Variants in ZNF112 observed in about 807,000 individuals in gnomAD.
ZNF112 encodes the protein zinc finger protein 112 (Y14).
A neutral mutation model predicts 77.7 loss-of-function variants in ZNF112; 37 were observed. The ratio of observed to expected loss-of-function variants is 0.48; its 90% CI spans 0.37 to 0.63. The LOEUF is 0.63. Among genes scored for constraint, ZNF112 ranks in the 20% least tolerant of loss-of-function variants. The pLI, the probability that ZNF112 is intolerant of heterozygous loss-of-function variation, is 0.00. For synonymous variants in ZNF112, 333 were observed against 363.6 expected (o/e 0.92, Z 0.96); for missense variants, 950 against 1,077.4 (o/e 0.88, Z 1.66).
intron 2 of ZNF112, among the ~76,000 whole-genome samples, chr19:44,338,949 G>C (rs945232797): frequency 6.6e-6 from 1 of 152,126 alleles, no homozygotes; most frequent in African/African-American, 2.4e-5. Context: ...TGTAATCTCA[G>C]CTACAGGTGG....
intron 1 of ZNF112, among the ~76,000 whole-genome samples, chr19:44,341,558 T>TA (rs1266054077): frequency 6.6e-6 from 1 of 152,170 alleles, no homozygotes; most frequent in Non-Finnish European, 1.5e-5. Context: ...GAAAGCTTTT[T>TA]AAAAAAATCT....
chr19:44,348,964 T>C (rs992663909), intron 1 of ZNF112, among the ~76,000 whole-genome samples: 1 of 152,094 alleles, frequency 6.6e-6, no homozygotes, highest in Non-Finnish European at 1.5e-5. Context: ...AGCCCACTGC[T>C]TGTTTCTGTA....
At chr19:44,342,190 CATAT>C (rs936024662) in intron 1 of ZNF112, among the ~76,000 whole-genome samples, 2 of 152,154 alleles carry the variant, frequency 1.3e-5, no homozygotes, top group Admixed American at 6.5e-5. Context: ...GACATACAAA[CATAT>C]ATAGATAAAC....
upstream of ZNF112, among the ~76,000 whole-genome samples, chr19:44,357,157 T>C (rs768034330): frequency 2.6e-5 from 4 of 152,214 alleles, no homozygotes; most frequent in Non-Finnish European, 5.9e-5. Context: ...CCATCCAATT[T>C]TATACTGCTA....
intron 2 of ZNF112, among the ~76,000 whole-genome samples, chr19:44,340,075 T>A (rs1970461599): frequency 7.1e-6 from 1 of 140,466 alleles, no homozygotes; most frequent in South Asian, 2.4e-4. Flanking sequence ...TTTCTGTGAG[T>A]TTAAAGTTAT....
upstream of ZNF112, among the ~76,000 whole-genome samples, chr19:44,357,716 A>G (rs1261673704): frequency 6.6e-6 from 1 of 152,180 alleles, no homozygotes; most frequent in East Asian, 1.9e-4. Context: ...AAATGTTATT[A>G]TTATGGGAAG....
At chr19:44,365,003 T>TG (rs1487276266) in intron 1 of ZNF112, among the ~76,000 whole-genome samples, 1 of 151,510 alleles carries the variant, frequency 6.6e-6, no homozygotes, top group Non-Finnish European at 1.5e-5. Flanking sequence ...AAGCTGGGGG[T>TG]GGGTGGGTGT....
chr19:44,343,413 CGGCGTT>C lies in ZNF112; in HGVS notation c.-3-2877_-3-2872del, dbSNP rs1970528679. 3 of 855,674 alleles carry C rather than the reference CGGCGTT, an allele frequency of 3.5e-6. No individual in the cohort carries two copies. In the Admixed American group the frequency reaches 7.4e-5, roughly 21 times the overall value. 53.0% of individuals were successfully genotyped at this position (855,674 alleles called of 1,614,324 possible). A position where few individuals can be genotyped will look rare whatever the true frequency, so the allele number is the denominator to read the frequency against. On this transcript the variant is annotated intron_variant, in intron 1 of 3. Coordinates refer to ENST00000354340, the MANE Select transcript of ZNF112 (RefSeq NM_013380.4). ...TCCCCCAGCAGATGTGGCCACACAC[CGGCGTT>C]AAGGAGCAGGTAGCATGGGTTGGAT... is the stretch of plus-strand genomic sequence containing the variant.
intron 3 of ZNF112, among the ~76,000 whole-genome samples, chr19:44,334,742 C>T (rs1218861203): frequency 2.6e-5 from 4 of 152,278 alleles, no homozygotes; most frequent in African/African-American, 9.6e-5. Context: ...TTGGCAGCTT[C>T]CACGTACTGT....
At chr19:44,337,451 ACTGT>A (rs1003277753) in intron 2 of ZNF112, among the ~76,000 whole-genome samples, 2 of 126,030 alleles carry the variant, frequency 1.6e-5, no homozygotes, top group African/African-American at 2.9e-5. Context: ...GTACCCACAC[ACTGT>A]CTATTTACTT....
rs1426515203 is a variant in ZNF112, at chr19:44,328,125, G to A, written c.2032C>T (p.Gln678Ter). ...FSKASTLLAH[Q>*]RVHTGEKPYQ... ...GGCTTCTCTCCCGTGTGGACCCTCT[G>A]ATGGGCCAAAAGTGTTGAGGCCTTA... is the stretch of plus-strand genomic sequence containing the variant. Residue 678 changes from glutamine to a stop codon, truncating the protein, a stop_gained, in exon 4 of 4, where the codon CAG (glutamine) becomes TAG (stop). Transcript: ENST00000354340. LOFTEE classifies it high-confidence loss of function. 1.2e-6 allele frequency: 2 copies of A among 1,613,886 alleles called. No individual in the cohort carries two copies. The highest frequency in any genetic ancestry group is 2.2e-5 in the East Asian group (1 of 44,874).
intron 3 of ZNF112, among the ~76,000 whole-genome samples, chr19:44,335,221 T>A (rs537808438): frequency 1.3e-5 from 2 of 152,362 alleles, no homozygotes; most frequent in African/African-American, 4.8e-5. Flanking sequence ...CAGATTGGCA[T>A]GGGGCCTGCA....
Position 44,327,523 on chromosome 19 carries a change from AC to A in ZNF112, c.2633del (p.Ser878IlefsTer43). The A allele has an allele frequency of 6.2e-7, 1 of 1,613,940 alleles. No individual in the cohort carries two copies. The highest frequency in any genetic ancestry group is 8.5e-7 in the Non-Finnish European group (1 of 1,179,904). ...CTTCGCTTTTATAGAATTTATCACT[AC>A]TATGGACTCTTTGATGAATGAGAAG... ...SGLLIHQRVH[S>X]SDKFYKSEDY... On this transcript the variant is annotated frameshift_variant, in exon 4 of 4. Coordinates refer to ENST00000354340, the MANE Select transcript of ZNF112 (RefSeq NM_013380.4). LOFTEE classifies it high-confidence loss of function.
chr19:44,345,422 G>A (rs1970569932), intron 1 of ZNF112, among the ~76,000 whole-genome samples: 1 of 152,200 alleles, frequency 6.6e-6, no homozygotes, highest in Non-Finnish European at 1.5e-5. Flanking sequence ...GGAAGGAGCA[G>A]TAACATGCGC....
chr19:44,343,149 G>T, intron 1 of ZNF112: 1 of 1,255,042 alleles, frequency 8.0e-7, no homozygotes. Context: ...GATACTAAAT[G>T]CCTGTTGTCA....
chr19:44,359,812 C>T (rs77040757), upstream of ZNF112, among the ~76,000 whole-genome samples: 7 of 152,256 alleles, frequency 4.6e-5, no homozygotes, highest in East Asian at 1.4e-3. Context: ...TTGGTGTCAT[C>T]AGTGAATTCT....
In ZNF112 at chr19:44,350,259, C is replaced by T. The variant is rs138430753; in HGVS notation, c.-4+6367G>A. On this transcript the variant is annotated intron_variant, in intron 1 of 3. Transcript: ENST00000354340. ...TCATGTGCTATTGAACCACTAGTGG[C>T]AACAGTGAACTTCATTCAAACTCAA... Among the ~76,000 whole-genome samples, 490 of 152,088 alleles carry T rather than the reference C, an allele frequency of 3.2e-3. 1 individual carries two copies. Among genetic ancestry groups the T allele is most frequent in the African/African-American group, 0.011 (476 of 41,506 alleles).
chr19:44,343,139 G>T, intron 1 of ZNF112: 1 of 1,133,262 alleles, frequency 8.8e-7, no homozygotes, highest in Non-Finnish European at 1.3e-6. Context: ...ATACATAAAT[G>T]ATACTAAATG....
At chr19:44,330,642 AG>A (rs1291042156) in intron 3 of ZNF112, among the ~76,000 whole-genome samples, 9 of 152,320 alleles carry the variant, frequency 5.9e-5, no homozygotes, top group Admixed American at 1.3e-4. Flanking sequence ...AGGCTGAGGC[AG>A]GAGAATAACT....
Sources: gnomAD v4.1 joint callset for allele counts (sites outside exome capture counted in the v4.1 genomes callset) on GRCh38, gnomAD v4.1.1 for gene constraint, MANE v1.5 for transcripts, NCBI Gene and HGNC (gene_info 2026-07-23, HGNC 2026-07-21) for gene names.